Variants in NLRP11 observed in about 807,000 individuals in gnomAD.
NLRP11 encodes NLR family pyrin domain containing 11, also known as NACHT, LRR and PYD domains-containing protein 11.
A neutral mutation model predicts 79.3 loss-of-function variants in NLRP11; 53 were observed. The ratio of observed to expected loss-of-function variants is 0.67; its 90% CI spans 0.54 to 0.84. The LOEUF is 0.84. Ranked by LOEUF, NLRP11 falls within the 40% of genes least tolerant of loss-of-function variation. The pLI is 0.00. For missense variants in NLRP11, 1,264 were observed against 1,255.0 expected (o/e 1.01, Z -0.11); for synonymous variants, 518 against 462.6 (o/e 1.12, Z -1.54).
intron 1 of NLRP11, among the ~76,000 whole-genome samples, chr19:55,827,895 A>C (rs1253634149): frequency 6.6e-6 from 1 of 151,564 alleles, no homozygotes; most frequent in Admixed American, 6.6e-5. Flanking sequence ...ATACCATTTG[A>C]CCCAGCCATC....
At chr19:55,826,984 TG>T (rs1982297090) in intron 1 of NLRP11, among the ~76,000 whole-genome samples, 2 of 143,978 alleles carry the variant, frequency 1.4e-5, no homozygotes, top group African/African-American at 2.6e-5. Flanking sequence ...AGAACAAAGC[TG>T]GAGGCATCAC....
intron 9 of NLRP11, among the ~76,000 whole-genome samples, chr19:55,786,889 G>A (rs1301136831): frequency 6.6e-6 from 1 of 152,058 alleles, no homozygotes; most frequent in African/African-American, 2.4e-5. Context: ...AATGTTTATG[G>A]GTTTTTCTAT....
chr19:55,796,335 C>T (rs1378764421), intron 5 of NLRP11, 85 bp from the exon 6 acceptor site: 2 of 1,088,982 alleles, frequency 1.8e-6, no homozygotes, highest in Admixed American at 2.4e-5. Context: ...AAAAGAGAGA[C>T]CTAACCAAGT....
At chr19:55,820,102 C>A (rs908646884) in intron 1 of NLRP11, among the ~76,000 whole-genome samples, 1 of 152,264 alleles carries the variant, frequency 6.6e-6, no homozygotes, top group African/African-American at 2.4e-5. Flanking sequence ...AACTATGACA[C>A]CCTCTTCCAG....
At chr19:55,796,272 G>T (rs1434533000) in intron 5 of NLRP11, 22 bp from the exon 6 acceptor site, 2 of 1,570,140 alleles carry the variant, frequency 1.3e-6, no homozygotes, top group African/African-American at 1.4e-5. Flanking sequence ...ATTCAGAAAT[G>T]AAAAGAGGCT....
At chr19:55,834,410 T>C (rs1983059128), upstream of NLRP11, among the ~76,000 whole-genome samples, 1 of 152,332 alleles carries the variant, frequency 6.6e-6, no homozygotes, top group Non-Finnish European at 1.5e-5. Flanking sequence ...ATATTAATAA[T>C]CAGATAAAAG....
upstream of NLRP11, among the ~76,000 whole-genome samples, chr19:55,835,516 C>T (rs1177017954): frequency 3.3e-5 from 5 of 150,254 alleles, no homozygotes; most frequent in East Asian, 7.9e-4. Context: ...GCCTGGCCAA[C>T]ATGGTGAAAC....
chr19:55,789,036 A>G, intron 8 of NLRP11, 59 bp from the exon 9 acceptor site: 2 of 1,585,140 alleles, frequency 1.3e-6, no homozygotes, highest in Non-Finnish European at 1.7e-6. Flanking sequence ...ATGGCAGATG[A>G]GATGGGTGAG....
At chr19:55,836,310 GAGCC>G (rs1253754595), upstream of NLRP11, 1 of 152,092 alleles carries the variant, frequency 6.6e-6, no homozygotes, top group Non-Finnish European at 1.5e-5. Context: ...CTGCAGCCGT[GAGCC>G]CTGGGAATTC....
upstream of NLRP11, chr19:55,836,236 A>C (rs982517821): frequency 6.6e-6 from 1 of 152,170 alleles, no homozygotes; most frequent in African/African-American, 2.4e-5. Context: ...TAGACATTTA[A>C]ATTATAAACA....
chr19:55,795,460 C>T (rs913926926), intron 6 of NLRP11, among the ~76,000 whole-genome samples: 3 of 151,998 alleles, frequency 2.0e-5, no homozygotes, highest in Non-Finnish European at 4.4e-5. Flanking sequence ...GGCCTAGGTG[C>T]TGTGTTTAGA....
At chr19:55,793,991 A>T (rs1279607311) in intron 6 of NLRP11, among the ~76,000 whole-genome samples, 1 of 152,180 alleles carries the variant, frequency 6.6e-6, no homozygotes, top group African/African-American at 2.4e-5. Flanking sequence ...TGTTTTCCTC[A>T]GACTACTGTG....
chr19:55,823,182 A>T (rs995645079), intron 1 of NLRP11, among the ~76,000 whole-genome samples: 54 of 145,660 alleles, frequency 3.7e-4, no homozygotes, highest in East Asian at 2.3e-3. Flanking sequence ...GGGTATTCCA[A>T]CAGACCTGCA....
intron 9 of NLRP11, among the ~76,000 whole-genome samples, chr19:55,787,309 T>G (rs958349663): frequency 1.3e-5 from 2 of 152,158 alleles, no homozygotes; most frequent in Non-Finnish European, 2.9e-5. Flanking sequence ...CACTCTTGTA[T>G]CATCTTTGCC....
chr19:55,823,863 C>T (rs2122909275), intron 1 of NLRP11, among the ~76,000 whole-genome samples: 1 of 144,244 alleles, frequency 6.9e-6, no homozygotes, highest in Admixed American at 7.1e-5. Flanking sequence ...AGGAGAACTT[C>T]CCCAATCTAG....
exon 3 of NLRP11, chr19:55,808,995 A>G (rs758973614): frequency 1.2e-6 from 2 of 1,614,056 alleles, no homozygotes; most frequent in South Asian, 2.2e-5. Flanking sequence ...TGGTGCGTCA[A>G]CTTTTCCGGG....
chr19:55,836,334 A>C (rs1158392569), upstream of NLRP11: 1 of 151,864 alleles, frequency 6.6e-6, no homozygotes, highest in Non-Finnish European at 1.5e-5. Flanking sequence ...CTCAATAGGA[A>C]CCTCCAGCTT....
chr19:55,828,501 T>G lies in NLRP11; in HGVS notation c.-63+3462A>C, dbSNP rs187398169. Reference sequence around the variant, plus strand: ...CTGTACTTCTCATGGAGAATACTCATTGCAACAAATTTTAAATCCCAGGAG... The same window carrying G: ...CTGTACTTCTCATGGAGAATACTCAGTGCAACAAATTTTAAATCCCAGGAG... On this transcript the variant is annotated intron_variant, in intron 1 of 9. Transcript: ENST00000589093. Among the ~76,000 whole-genome samples the G allele has an allele frequency of 2.0e-5, 3 of 152,336 alleles. No individual in the cohort carries two copies. The East Asian group carries it at 5.8e-4, about 29-fold the overall frequency.
intron 4 of NLRP11, among the ~76,000 whole-genome samples, chr19:55,807,186 T>C (rs1299749231): frequency 6.6e-6 from 1 of 152,204 alleles, no homozygotes; most frequent in Non-Finnish European, 1.5e-5. Context: ...GGCATTCTTC[T>C]TGAATGAAAA....
Sources: allele counts gnomAD v4.1 joint callset (sites outside exome capture counted in the v4.1 genomes callset), GRCh38; gene constraint gnomAD v4.1.1; transcripts MANE v1.5; gene names NCBI Gene and HGNC (gene_info 2026-07-23, HGNC 2026-07-21).